Variants in NRXN3 observed in about 807,000 individuals in gnomAD.
NRXN3 encodes neurexin 3, also known as neurexin III.
Under a neutral mutation model 137.6 loss-of-function variants are expected in NRXN3, and 32 were observed. The observed-to-expected ratio is 0.23, with a 90% CI of 0.18 to 0.31. NRXN3 has a LOEUF of 0.31. NRXN3 is among the 10% of genes least tolerant of loss of function. The pLI is 1.00. For synonymous variants in NRXN3, 798 were observed against 784.5 expected (o/e 1.02, Z -0.29); for missense variants, 1,574 against 2,062.5 (o/e 0.76, Z 4.59).
chr14:79,365,083 T>C (rs942851753), intron 15 of NRXN3, among the ~76,000 whole-genome samples: 3 of 152,218 alleles, frequency 2.0e-5, no homozygotes, highest in South Asian at 4.1e-4. Context: ...ATAGTTATTA[T>C]ATAAAAAGGA....
At chr14:78,792,638 A>G (rs534681804) in intron 8 of NRXN3, among the ~76,000 whole-genome samples, 15 of 152,366 alleles carry the variant, frequency 9.8e-5, no homozygotes, top group Admixed American at 2.6e-4. Flanking sequence ...TAAGATGTGC[A>G]TTGATCAAGT....
At chr14:79,219,437 G>A (rs1164368966) in intron 15 of NRXN3, among the ~76,000 whole-genome samples, 1 of 152,050 alleles carries the variant, frequency 6.6e-6, no homozygotes, top group African/African-American at 2.4e-5. Context: ...GCCAGTAAAT[G>A]CTATTTTATT....
chr14:78,577,176 C>A (rs369752186), intron 4 of NRXN3, among the ~76,000 whole-genome samples: 5 of 152,172 alleles, frequency 3.3e-5, no homozygotes, highest in African/African-American at 9.7e-5. Context: ...TCCATGTAGG[C>A]CTACTCCCCA....
intron 15 of NRXN3, among the ~76,000 whole-genome samples, chr14:79,358,557 CTCAA>C: frequency 1.5e-5 from 1 of 65,696 alleles, no homozygotes; most frequent in South Asian, 5.1e-4. Context: ...CTGACTCTGT[CTCAA>C]AAAAAAAAAA....
chr14:78,969,722 A>G (rs2099430276), intron 14 of NRXN3, among the ~76,000 whole-genome samples: 1 of 152,128 alleles, frequency 6.6e-6, no homozygotes, highest in South Asian at 2.1e-4. Context: ...CACTAGTAAT[A>G]GGAATGTTCA....
chr14:78,868,096 G>A (rs2099091890), intron 10 of NRXN3, among the ~76,000 whole-genome samples: 1 of 149,734 alleles, frequency 6.7e-6, no homozygotes, highest in South Asian at 2.1e-4. Flanking sequence ...AAATTATTAA[G>A]TAAATTTGTT....
At chr14:78,801,749 C>A (rs1466984158) in intron 8 of NRXN3, among the ~76,000 whole-genome samples, 1 of 152,208 alleles carries the variant, frequency 6.6e-6, no homozygotes, top group African/African-American at 2.4e-5. Flanking sequence ...AGAGATACTA[C>A]CTGATCTACC....
chr14:78,174,141 G>T (rs896165663), intron 1 of NRXN3, among the ~76,000 whole-genome samples: 1 of 151,904 alleles, frequency 6.6e-6, no homozygotes, highest in Non-Finnish European at 1.5e-5. Flanking sequence ...AATTTTTTTT[G>T]ACCAAATAAG....
intron 15 of NRXN3, among the ~76,000 whole-genome samples, chr14:79,181,170 T>C (rs1238214635): frequency 6.6e-6 from 1 of 152,158 alleles, no homozygotes; most frequent in East Asian, 1.9e-4. Flanking sequence ...AGTGGAAGAC[T>C]GGGTCAAATC....
intron 16 of NRXN3, among the ~76,000 whole-genome samples, chr14:79,493,871 G>T (rs993922387): frequency 6.6e-6 from 1 of 152,112 alleles, no homozygotes; most frequent in Admixed American, 6.5e-5. Flanking sequence ...ACTTTACAAA[G>T]GTTCTGCTGT....
intron 15 of NRXN3, among the ~76,000 whole-genome samples, chr14:79,348,016 G>T (rs1343652617): frequency 6.6e-6 from 1 of 151,982 alleles, no homozygotes; most frequent in Non-Finnish European, 1.5e-5. Context: ...CTTCTTTCAT[G>T]GCTTTTTAAG....
intron 15 of NRXN3, among the ~76,000 whole-genome samples, chr14:79,223,674 C>T (rs1404034854): frequency 6.6e-6 from 1 of 152,136 alleles, no homozygotes; most frequent in African/African-American, 2.4e-5. Context: ...TACAGGAAAG[C>T]TGGCTCCCTG....
intron 4 of NRXN3, among the ~76,000 whole-genome samples, chr14:78,335,119 A>G (rs184790468): frequency 3.2e-4 from 48 of 152,264 alleles, no homozygotes; most frequent in African/African-American, 1.1e-3. Flanking sequence ...CTGATTTGAG[A>G]TGTTCAACTT....
At chr14:79,178,628 A>C (rs949052458) in intron 15 of NRXN3, among the ~76,000 whole-genome samples, 1 of 152,212 alleles carries the variant, frequency 6.6e-6, no homozygotes, top group African/African-American at 2.4e-5. Context: ...ATCTGAATAG[A>C]TGAAATCTAA....
chr14:79,106,976 G>A lies in NRXN3; in HGVS notation c.3262+118835G>A, dbSNP rs562199284. Among the ~76,000 whole-genome samples, 5 of 152,248 alleles carry A rather than the reference G, an allele frequency of 3.3e-5. No individual in the cohort carries two copies. The South Asian group carries it at 6.2e-4, about 19-fold the overall frequency. On this transcript the variant is annotated intron_variant, in intron 15 of 20. Coordinates refer to ENST00000335750, the MANE Select transcript of NRXN3 (RefSeq NM_001330195.2). ...TAAAAAAAGTATAGATGAAAAGGTA[G>A]CTAGGTAGAAATAGAAATAGCTTAG... is the stretch of plus-strand genomic sequence containing the variant.
At position 78,915,021 on chromosome 14, in the gene NRXN3, T is replaced by A. The variant is rs1210104109; in HGVS notation, c.2276-42221T>A. Among the ~76,000 whole-genome samples the A allele has an allele frequency of 3.9e-5, 6 of 152,182 alleles. No individual in the cohort carries two copies. The East Asian group carries it at 1.2e-3, about 29-fold the overall frequency. ...AATAGAGGAGAAAGCAAATAAAAAT[T>A]CAAAGATATTGAGATAGTACCTGAG... On this transcript the variant is annotated intron_variant, in intron 10 of 20. Transcript: ENST00000335750.
chr14:78,609,020 T>G (rs943229488), intron 4 of NRXN3, among the ~76,000 whole-genome samples: 4 of 152,092 alleles, frequency 2.6e-5, no homozygotes. Context: ...CTACGGGCAT[T>G]AAGTATGCTT....
At chr14:78,257,403 A>G (rs2069830639) in intron 2 of NRXN3, among the ~76,000 whole-genome samples, 1 of 152,254 alleles carries the variant, frequency 6.6e-6, no homozygotes, top group Non-Finnish European at 1.5e-5. Flanking sequence ...AGAAGTATAT[A>G]GCACATATCA....
At chr14:78,197,561 C>T (rs1174090698) in intron 1 of NRXN3, among the ~76,000 whole-genome samples, 1 of 152,208 alleles carries the variant, frequency 6.6e-6, no homozygotes, top group Non-Finnish European at 1.5e-5. Flanking sequence ...GAACTTCTGA[C>T]CATGTCTAAA....
Sources: gnomAD v4.1 joint callset for allele counts (sites outside exome capture counted in the v4.1 genomes callset) on GRCh38, gnomAD v4.1.1 for gene constraint, MANE v1.5 for transcripts, NCBI Gene and HGNC (gene_info 2026-07-23, HGNC 2026-07-21) for gene names.